PDZK1: variants seen among roughly 807,000 people sequenced by gnomAD.
PDZK1 encodes the protein PDZ domain containing 1, also known as Na(+)/H(+) exchange regulatory cofactor NHE-RF3.
In PDZK1, 23 loss-of-function variants were observed where a neutral mutation model predicts 38.1. The ratio of observed to expected loss-of-function variants is 0.60; its 90% CI spans 0.43 to 0.85. The LOEUF (loss-of-function observed/expected upper bound fraction) is 0.85. Among genes scored for constraint, PDZK1 ranks in the 40% least tolerant of loss-of-function variants. PDZK1 has a pLI of 0.00. For missense variants in PDZK1, 297 were observed against 504.3 expected (o/e 0.59, Z 3.94); for synonymous variants, 98 against 186.2 (o/e 0.53, Z 3.86).
intron 3 of PDZK1, among the ~76,000 whole-genome samples, chr1:145,685,724 T>G (rs1306473021): frequency 6.6e-6 from 1 of 152,204 alleles, no homozygotes; most frequent in African/African-American, 2.4e-5. Context: ...AAGAAGGAAT[T>G]GACCAGCTAA....
intron 1 of PDZK1, among the ~76,000 whole-genome samples, chr1:145,698,149 G>A (rs782009948): frequency 6.6e-6 from 1 of 152,086 alleles, no homozygotes; most frequent in South Asian, 2.1e-4. Flanking sequence ...AGAATATGGA[G>A]CAAAAGTACC....
Position 145,687,867 on chromosome 1 carries a change from C to G in PDZK1, c.155G>C (p.Gly52Ala). 6.2e-7 allele frequency: 1 copy of G among 1,614,056 alleles called. No homozygotes were observed. The change falls in exon 2 of 9, where the codon GGA becomes GCA. Residue 52 changes from glycine (G) to alanine (A), a missense_variant. By Grantham distance (60) the Gly-to-Ala change is moderately conservative (BLOSUM62 0). Around this residue, in one of 5 missense-constraint regions of PDZK1, gnomAD observed 159 missense variants for 200.0 expected, o/e 0.79. Coordinates refer to ENST00000417171, the MANE Select transcript of PDZK1 (RefSeq NM_001201325.2). Reference sequence around the variant, plus strand: ...ACCATTGATCCTAAGAACTCTGTCTCCATCTTGAAGGCCAGCCTTCTCTGC... The same window carrying G: ...ACCATTGATCCTAAGAACTCTGTCTGCATCTTGAAGGCCAGCCTTCTCTGC... ...SPAEKAGLQD[G>A]DRVLRINGVF...
At chr1:145,702,533 A>C (rs587661763) in intron 1 of PDZK1, among the ~76,000 whole-genome samples, 21 of 152,134 alleles carry the variant, frequency 1.4e-4, no homozygotes, top group Admixed American at 1.4e-3. Context: ...TCTTGCCTCG[A>C]GACAAACTTT....
chr1:145,671,790 T>C (rs1653085915), intron 8 of PDZK1, among the ~76,000 whole-genome samples: 1 of 152,222 alleles, frequency 6.6e-6, no homozygotes, highest in Non-Finnish European at 1.5e-5. Context: ...AACAAATTCC[T>C]TAATGTCTGT....
At chr1:145,672,245 G>A (rs1332927698) in intron 8 of PDZK1, among the ~76,000 whole-genome samples, 14 of 151,836 alleles carry the variant, frequency 9.2e-5, no homozygotes, top group African/African-American at 2.9e-4. Context: ...GTCTTTAACC[G>A]TCACCACTTA....
chr1:145,684,441 C>T (rs587749122), intron 3 of PDZK1, among the ~76,000 whole-genome samples: 8 of 152,158 alleles, frequency 5.3e-5, no homozygotes, highest in Admixed American at 2.0e-4. Context: ...ATCTCCTGAC[C>T]TCATGATCTG....
Position 145,688,014 on chromosome 1 carries a change from G to C in PDZK1, c.8C>G (p.Ser3Cys). ...TTTACATTCTCGGGGGTTGAAGGTG[G>C]AGGTCATTTCTGTGATGAAAAAAAT... MT[S>C]TFNPRECKLS... Residue 3 changes from serine (S) to cysteine (C), a missense_variant, in exon 2 of 9, where the codon TCC becomes TGC. Coordinates refer to ENST00000417171, the MANE Select transcript of PDZK1 (RefSeq NM_001201325.2). 3.1e-6 allele frequency: 5 copies of C among 1,612,778 alleles called. No individual in the cohort carries two copies. Among genetic ancestry groups the C allele is most frequent in the Non-Finnish European group, 4.2e-6 (5 of 1,179,284 alleles).
chr1:145,680,649 AT>A (rs1465953941), intron 5 of PDZK1, among the ~76,000 whole-genome samples: 2 of 150,528 alleles, frequency 1.3e-5, no homozygotes, highest in East Asian at 3.9e-4. Context: ...ACCAATTTGG[AT>A]TTCCCCCCAC....
At chr1:145,705,857 C>G (rs1360709370) in intron 1 of PDZK1, among the ~76,000 whole-genome samples, 1 of 152,066 alleles carries the variant, frequency 6.6e-6, no homozygotes, top group African/African-American at 2.4e-5. Context: ...CTCAAGCAAC[C>G]CTTCCATTTC....
intron 1 of PDZK1, among the ~76,000 whole-genome samples, chr1:145,693,801 T>G (rs9662823): frequency 1.4e-5 from 2 of 148,002 alleles, no homozygotes; most frequent in Admixed American, 6.7e-5. Flanking sequence ...CTAGGCTGCC[T>G]CGACTCCTCC....
chr1:145,698,748 G>A (rs1315534227), intron 1 of PDZK1, among the ~76,000 whole-genome samples: 3 of 151,954 alleles, frequency 2.0e-5, no homozygotes, highest in Admixed American at 1.3e-4. Flanking sequence ...GGCCAACATG[G>A]TGAAACCTCA....
intron 6 of PDZK1, chr1:145,674,260 T>C: frequency 7.1e-6 from 7 of 985,366 alleles, no homozygotes; most frequent in Non-Finnish European, 8.4e-6. Flanking sequence ...TCTGACCGAC[T>C]AGCCGGTACC....
chr1:145,691,070 C>T (rs587630441), intron 1 of PDZK1, among the ~76,000 whole-genome samples: 1 of 152,320 alleles, frequency 6.6e-6, no homozygotes, highest in East Asian at 1.9e-4. Flanking sequence ...CCCCCAACTG[C>T]CTTCTGCCAC....
rs782484294 is a variant in PDZK1, at chr1:145,686,664, G to T, written c.273C>A (p.Ser91=). 8.8e-6 allele frequency: 14 copies of T among 1,583,116 alleles called. No homozygotes were observed. The highest frequency in any genetic ancestry group is 1.4e-5 in the African/African-American group (1 of 73,998). ...CCCGTGTTTTCACTGCTTTCTCATA[G>T]GAATCCCCATCCAGAACTAGTAAAG... ...SVTLLVLDGD[S]YEKAVKTRVD... Residue 91 remains serine, a synonymous_variant, in exon 3 of 9, where the codon TCC becomes TCA. Transcript: ENST00000417171.
chr1:145,680,365 G>T (rs1259399078), intron 5 of PDZK1, among the ~76,000 whole-genome samples: 1 of 152,128 alleles, frequency 6.6e-6, no homozygotes, highest in Non-Finnish European at 1.5e-5. Flanking sequence ...CCGAACTCAT[G>T]TTCTTTTATG....
At chr1:145,697,763 A>ATTTTTTTTT (rs10564713) in intron 1 of PDZK1, among the ~76,000 whole-genome samples, 4 of 44,978 alleles carry the variant, frequency 8.9e-5, no homozygotes, top group African/African-American at 3.9e-4. Flanking sequence ...TGCCCAGCTA[A>ATTTTTTTTT]TTTTTTTTTT....
At chr1:145,692,199 A>G (rs1435075827) in intron 1 of PDZK1, among the ~76,000 whole-genome samples, 1 of 152,172 alleles carries the variant, frequency 6.6e-6, no homozygotes, top group Admixed American at 6.5e-5. Context: ...TCTATTTTCC[A>G]TAGGAAAGAA....
In PDZK1 at chr1:145,683,272, A is replaced by G. The variant is rs587693927; in HGVS notation, c.461-636T>C. ...ACTCAGTGGGTATTTGTTGATTTGA[A>G]TAGAATTTCTGAGGTCAGCTAAATG... On this transcript the variant is annotated intron_variant, in intron 3 of 8. Transcript: ENST00000417171. Among the ~76,000 whole-genome samples the G allele has an allele frequency of 1.4e-3, 210 of 152,350 alleles. 1 individual carries two copies. The highest frequency in any genetic ancestry group is 2.1e-3 in the Non-Finnish European group (142 of 68,026).
chr1:145,687,510 G>A (rs1216786427), intron 2 of PDZK1, among the ~76,000 whole-genome samples: 5 of 121,486 alleles, frequency 4.1e-5, no homozygotes, highest in African/African-American at 1.7e-4. Context: ...GGGTGAAAGA[G>A]CGAAACTCCA....
Sources: gnomAD v4.1 joint callset for allele counts (sites outside exome capture counted in the v4.1 genomes callset) on GRCh38, gnomAD v4.1.1 for gene constraint, gnomAD v4.1.1 regional missense constraint, MANE v1.5 for transcripts, NCBI Gene and HGNC (gene_info 2026-07-23, HGNC 2026-07-21) for gene names.